MMD2: variants seen among roughly 807,000 people sequenced by gnomAD.
MMD2 encodes monocyte to macrophage differentiation factor 2.
MMD2 carries 30 observed loss-of-function variants against 33.5 expected under a neutral mutation model. That is an observed-to-expected ratio of 0.90 (90% CI 0.67 to 1.22). MMD2 has a LOEUF of 1.22. Among genes scored for constraint, MMD2 ranks in the 50% most tolerant of loss-of-function variants. The pLI is 0.00. For missense variants in MMD2, 364 were observed against 325.4 expected (o/e 1.12, Z -0.91); for synonymous variants, 129 against 123.0 (o/e 1.05, Z -0.32).
intron 1 of MMD2, among the ~76,000 whole-genome samples, chr7:4,933,097 C>G (rs953295164): frequency 2.6e-5 from 4 of 151,836 alleles, no homozygotes; most frequent in Non-Finnish European, 5.9e-5. Context: ...GTATTGTGAT[C>G]AGGCACGGCA....
At position 4,906,241 on chromosome 7, in the gene MMD2, AGCATTGGACAGAGAGGCTG is replaced by A; in HGVS notation, c.*1136_*1154del. The stretch of plus-strand genomic sequence containing the variant: ...TCACCTCCCCAGTAAATGTCCAGGC[AGCATTGGACAGAGAGGCTG>A]GCCCCGCCCTGACGGGGGCTGAAGA... On this transcript the variant is annotated 3_prime_UTR_variant, in exon 7 of 7. Transcript: ENST00000401401. 2.7e-6 allele frequency: 1 copy of A among 367,560 alleles called. No individual in the cohort carries two copies. The allele number at this position is 367,560 out of a possible 1,614,324, so 22.8% of individuals were successfully genotyped here. A position where few individuals can be genotyped will look rare whatever the true frequency, so the allele number is the denominator to read the frequency against.
intron 4 of MMD2, among the ~76,000 whole-genome samples, chr7:4,915,537 C>T (rs534761899): frequency 1.3e-5 from 2 of 151,682 alleles, no homozygotes; most frequent in African/African-American, 4.8e-5. Context: ...GTTAGGAGTT[C>T]GAGAGCAGCC....
rs921264620 is a variant in MMD2 at position 4,906,826 on chromosome 7, T to C, written c.*570A>G. On this transcript the variant is annotated 3_prime_UTR_variant, in exon 7 of 7. Coordinates refer to ENST00000401401, the MANE Select transcript of MMD2 (RefSeq NM_198403.4). ...CCATCATGAGTGCCAAATTGATTGG[T>C]ACTGGCTGCCCAGAACACTGTGCTG... 5.2e-5 allele frequency: 17 copies of C among 328,882 alleles called. No homozygotes were observed. Among genetic ancestry groups the C allele is most frequent in the African/African-American group, 3.4e-4 (16 of 47,256 alleles). The allele number at this position is 328,882 out of a possible 1,614,324, so 20.4% of individuals were successfully genotyped here.
At chr7:4,912,984 G>A (rs945012500) in intron 4 of MMD2, among the ~76,000 whole-genome samples, 3 of 152,326 alleles carry the variant, frequency 2.0e-5, no homozygotes, top group Non-Finnish European at 2.9e-5. Flanking sequence ...GATTACAGGC[G>A]TGAGCCACGC....
At chr7:4,919,189 C>T (rs886577564) in intron 3 of MMD2, among the ~76,000 whole-genome samples, 1 of 152,152 alleles carries the variant, frequency 6.6e-6, no homozygotes, top group Non-Finnish European at 1.5e-5. Flanking sequence ...GCGCCTGTAG[C>T]ATGCCTGGAA....
chr7:4,911,717 CG>C (rs1410314722), intron 4 of MMD2, among the ~76,000 whole-genome samples: 3 of 151,860 alleles, frequency 2.0e-5, no homozygotes, highest in Admixed American at 6.6e-5. Flanking sequence ...GGCACAATCT[CG>C]GCTCACTGCA....
intron 1 of MMD2, among the ~76,000 whole-genome samples, chr7:4,956,353 G>C (rs1786381594): frequency 6.6e-6 from 1 of 151,856 alleles, no homozygotes; most frequent in Admixed American, 6.6e-5. Flanking sequence ...GTTTGCCTAG[G>C]AGTTTGAGGC....
intron 1 of MMD2, among the ~76,000 whole-genome samples, chr7:4,927,713 A>G (rs1785469626): frequency 6.6e-6 from 1 of 152,180 alleles, no homozygotes; most frequent in Non-Finnish European, 1.5e-5. Context: ...TCTCAAAAAA[A>G]CCAAACCAAA....
rs1785401441 is a variant in MMD2, at chr7:4,925,474, C to T, written c.106G>A (p.Ala36Thr). 2 of 1,570,312 alleles carry T rather than the reference C, an allele frequency of 1.3e-6. No homozygotes were observed. Among genetic ancestry groups the T allele is most frequent in the East Asian group, 2.4e-5 (1 of 41,468 alleles). The change falls in exon 2 of 7, where the codon GCG (alanine) becomes ACG (threonine). Residue 36 changes from alanine to threonine, a missense_variant. Ala to Thr is a moderately conservative substitution (Grantham distance 58). Transcript: ENST00000401401. ...KRYQPTEYEHAANCATHAFWI... is the reference protein window; with the variant it reads ...KRYQPTEYEHTANCATHAFWI... ...ACAGCATGGGTGGCACAGTTGGCCG[C>T]ATGTTCATACTCTGTGGGCTGGTAC...
In MMD2 at chr7:4,925,472, C is replaced by T. The variant is rs758640845; in HGVS notation, c.108G>A (p.Ala36=). 11 of 1,570,474 alleles carry T rather than the reference C, an allele frequency of 7.0e-6. No individual in the cohort carries two copies. Among genetic ancestry groups the T allele is most frequent in the African/African-American group, 5.5e-5 (4 of 72,940 alleles). The change falls in exon 2 of 7, where the codon GCG becomes GCA. Residue 36 remains alanine (A), a synonymous_variant. Transcript: ENST00000401401. ...TCACAGCATGGGTGGCACAGTTGGC[C>T]GCATGTTCATACTCTGTGGGCTGGT... ...KRYQPTEYEH[A]ANCATHAFWI... is the part of the protein sequence containing the mutation.
intron 1 of MMD2, among the ~76,000 whole-genome samples, chr7:4,956,028 G>A (rs1374370232): frequency 6.6e-6 from 1 of 152,168 alleles, no homozygotes; most frequent in Non-Finnish European, 1.5e-5. Context: ...ACTCCAGCCT[G>A]GGTGACAGAG....
At chr7:4,953,552 C>T (rs2115164466) in intron 1 of MMD2, among the ~76,000 whole-genome samples, 1 of 151,380 alleles carries the variant, frequency 6.6e-6, no homozygotes. Flanking sequence ...CTCACTGCAA[C>T]CTCTGCCTCC....
intron 1 of MMD2, among the ~76,000 whole-genome samples, chr7:4,935,141 G>A (rs1035511784): frequency 5.3e-5 from 8 of 151,966 alleles, no homozygotes; most frequent in East Asian, 1.9e-4. Flanking sequence ...AGCCGAGATC[G>A]CGCTACCACA....
chr7:4,941,106 T>G (rs1002272595), intron 1 of MMD2, among the ~76,000 whole-genome samples: 8 of 152,112 alleles, frequency 5.3e-5, no homozygotes, highest in African/African-American at 2.4e-5. Flanking sequence ...GGGGGCCCCT[T>G]AGGCACCTGT....
Position 4,925,479 on chromosome 7 carries a change from T to C in MMD2, c.101A>G (p.Glu34Gly). The C allele has an allele frequency of 6.3e-7, 1 of 1,579,882 alleles. No homozygotes were observed. The highest frequency in any genetic ancestry group is 8.6e-7 in the Non-Finnish European group (1 of 1,160,886). ...AHKRYQPTEYEHAANCATHAF... is the reference protein window; with the variant it reads ...AHKRYQPTEYGHAANCATHAF... The stretch of plus-strand genomic sequence containing the variant: ...ATGGGTGGCACAGTTGGCCGCATGT[T>C]CATACTCTGTGGGCTGGTACCTCTT... Residue 34 changes from glutamate to glycine, a missense_variant, in exon 2 of 7, where the codon GAA (glutamate) becomes GGA (glycine). Transcript: ENST00000401401.
chr7:4,921,115 G>C (rs1179882603), intron 2 of MMD2, among the ~76,000 whole-genome samples: 1 of 152,174 alleles, frequency 6.6e-6, no homozygotes, highest in Non-Finnish European at 1.5e-5. Context: ...GTCCATGTAT[G>C]AAATGGTCAA....
rs996641424 is a variant in MMD2, at chr7:4,906,246, T to C, written c.*1150A>G. On this transcript the variant is annotated 3_prime_UTR_variant, in exon 7 of 7. Coordinates refer to ENST00000401401, the MANE Select transcript of MMD2 (RefSeq NM_198403.4). ...TCCCCAGTAAATGTCCAGGCAGCAT[T>C]GGACAGAGAGGCTGGCCCCGCCCTG... 2 of 371,360 alleles carry C rather than the reference T, an allele frequency of 5.4e-6. No homozygotes were observed. The highest frequency in any genetic ancestry group is 9.6e-6 in the Non-Finnish European group (2 of 208,946). The allele number at this position is 371,360 out of a possible 1,614,324, so 23.0% of individuals were successfully genotyped here. A position where few individuals can be genotyped will look rare whatever the true frequency, so the allele number is the denominator to read the frequency against.
At chr7:4,943,828 A>G (rs910347948) in intron 1 of MMD2, among the ~76,000 whole-genome samples, 1 of 151,668 alleles carries the variant, frequency 6.6e-6, no homozygotes. Flanking sequence ...TTGAGACAGG[A>G]TCTTGCTCTG....
intron 1 of MMD2, among the ~76,000 whole-genome samples, chr7:4,958,336 G>C (rs1434421734): frequency 3.9e-5 from 6 of 152,072 alleles, no homozygotes; most frequent in Admixed American, 3.9e-4. Context: ...CAAGCAACAG[G>C]AGCCTAACTT....
Sources: gnomAD v4.1 joint callset for allele counts (sites outside exome capture counted in the v4.1 genomes callset) on GRCh38, gnomAD v4.1.1 for gene constraint, MANE v1.5 for transcripts, NCBI Gene and HGNC (gene_info 2026-07-23, HGNC 2026-07-21) for gene names.